The following PHRF1 variants were observed in gnomAD, a reference collection of about 807,000 sequenced individuals.
PHRF1 encodes PHD and ring finger domains 1, also known as PHD and RING finger domain-containing protein 1.
PHRF1 carries 53 observed loss-of-function variants against 128.9 expected under a neutral mutation model. The ratio of observed to expected loss-of-function variants is 0.41; its 90% confidence interval spans 0.33 to 0.52. The LOEUF is 0.52. Among genes scored for constraint, PHRF1 ranks in the 20% least tolerant of loss-of-function variants. The pLI is 0.21. For missense variants in PHRF1, 2,503 were observed against 2,284.5 expected, an observed-to-expected ratio of 1.10 and a Z score of -1.95; for synonymous variants, 1,178 against 980.6, an observed-to-expected ratio of 1.20 and a Z score of -3.76.
intron 4 of PHRF1, among the ~76,000 whole-genome samples, chr11:587,715 C>T (rs1484919158): frequency 6.6e-6 from 1 of 152,138 alleles, no homozygotes; most frequent in African/African-American, 2.4e-5. Flanking sequence ...GTGGGTCTCC[C>T]AGGACCAGCT....
chr11:579,736 A>C (rs118042921), intron 1 of PHRF1, among the ~76,000 whole-genome samples: 1 of 152,176 alleles, frequency 6.6e-6, no homozygotes. Context: ...GTTAATTACT[A>C]ATTTGGCAAA....
At chr11:606,849 T>C in intron 13 of PHRF1, 3 of 902,262 alleles carry the variant, frequency 3.3e-6, no homozygotes, top group South Asian at 1.8e-5. Flanking sequence ...CTGGTTAATA[T>C]CGTGTCCTGA....
intron 16 of PHRF1, 55 bp downstream of exon 16, chr11:610,816 AGTT>A (rs1230280686): frequency 1.3e-6 from 2 of 1,587,982 alleles, no homozygotes; most frequent in African/African-American, 2.7e-5. Context: ...TTGAAACTAA[AGTT>A]GTTGGGGCTG....
chr11:593,397 C>T (rs977974310), intron 6 of PHRF1, among the ~76,000 whole-genome samples: 3 of 152,252 alleles, frequency 2.0e-5, no homozygotes, highest in African/African-American at 4.8e-5. Context: ...GTTTGGACTA[C>T]GGAACAGCCG....
intron 1 of PHRF1, among the ~76,000 whole-genome samples, chr11:581,200 T>C (rs2134171996): frequency 6.6e-6 from 1 of 152,014 alleles, no homozygotes; most frequent in African/African-American, 2.4e-5. Context: ...GGTAGCTCTG[T>C]AAATGTGAAT....
At chr11:592,267 C>T (rs1311229109) in intron 5 of PHRF1, among the ~76,000 whole-genome samples, 1 of 151,580 alleles carries the variant, frequency 6.6e-6, no homozygotes, top group Non-Finnish European at 1.5e-5. Context: ...GGCAGTCCAG[C>T]ACCTGCTGCC....
chr11:586,110 C>G (rs182129445), intron 3 of PHRF1, among the ~76,000 whole-genome samples: 2 of 152,310 alleles, frequency 1.3e-5, no homozygotes, highest in East Asian at 3.9e-4. Context: ...ATCCACCTGC[C>G]TCAGCCTCCC....
At chr11:585,738 C>T (rs897566416) in intron 3 of PHRF1, among the ~76,000 whole-genome samples, 8 of 144,060 alleles carry the variant, frequency 5.6e-5, no homozygotes, top group Non-Finnish European at 1.2e-4. Context: ...TGGAGTGCAG[C>T]AGCACGATCT....
intron 9 of PHRF1, among the ~76,000 whole-genome samples, 189 bp from the exon 10 acceptor site, chr11:601,385 T>C (rs573317733): frequency 1.6e-4 from 24 of 149,522 alleles, no homozygotes; most frequent in Middle Eastern, 3.5e-3. Context: ...GCTGAGATTG[T>C]GCCACTGCAC....
At chr11:599,831 T>G (rs1243397501) in intron 9 of PHRF1, among the ~76,000 whole-genome samples, 2 of 152,088 alleles carry the variant, frequency 1.3e-5, no homozygotes, top group African/African-American at 4.8e-5. Flanking sequence ...TCCGGGGGTC[T>G]CGGCGTCTGT....
Position 587,271 on chromosome 11 carries a change from C to T in PHRF1, c.227C>T (p.Ser76Phe), listed in dbSNP as rs759332242. The T allele has an allele frequency of 5.0e-6, 8 of 1,613,294 alleles. No individual in the cohort carries two copies. The African/African-American group carries it at 9.3e-5, about 19-fold the overall frequency. Residue 76 changes from serine to phenylalanine, a missense_variant, in exon 4 of 18, where the codon TCT (serine) becomes TTT (phenylalanine). Coordinates refer to ENST00000264555, the MANE Select transcript of PHRF1 (RefSeq NM_001286581.2). Reference protein sequence around the residue: ...DLEDRSGSEDSEDDGETLLEV... With the variant: ...DLEDRSGSEDFEDDGETLLEV... ...GTTTCCTCTCCAGGTTCCGAGGATT[C>T]TGAAGACGACGGGGAGACATTGCTG... is the stretch of plus-strand genomic sequence containing the variant.
chr11:595,307 C>G (rs1245156472), intron 6 of PHRF1, among the ~76,000 whole-genome samples: 1 of 151,574 alleles, frequency 6.6e-6, no homozygotes. Flanking sequence ...AGACTAAAAA[C>G]AAAAAACAAA....
chr11:601,309 G>T (rs149830497), intron 9 of PHRF1, among the ~76,000 whole-genome samples: 1 of 149,254 alleles, frequency 6.7e-6, no homozygotes, highest in African/African-American at 2.5e-5. Context: ...CCTACCTGTA[G>T]TTCCAGCTGC....
intron 17 of PHRF1, 27 bp from the exon 18 acceptor site, chr11:611,607 A>G (rs923368830): frequency 6.2e-7 from 1 of 1,612,636 alleles, no homozygotes; most frequent in Non-Finnish European, 8.5e-7. Context: ...GTGAAAGGGC[A>G]TTTGGTGATT....
intron 10 of PHRF1, 64 bp from the exon 11 acceptor site, chr11:605,055 A>T: frequency 6.7e-7 from 1 of 1,492,626 alleles, no homozygotes; most frequent in Non-Finnish European, 9.1e-7. Flanking sequence ...CGTGGCATTT[A>T]CAGAGCCCTC....
chr11:607,967 C>T lies in PHRF1; in HGVS notation c.2511C>T (p.Gly837=). ...SEVYDPSDPT[G]SDSSAPGSSP... ...TCTACGACCCATCCGACCCCACCGG[C>T]TCCGACTCCAGCGCCCCTGGCAGCA... The change falls in exon 14 of 18, where the codon GGC becomes GGT. Residue 837 remains glycine, a synonymous_variant. Transcript: ENST00000264555. The T allele has an allele frequency of 1.2e-6, 2 of 1,611,834 alleles. No homozygotes were observed. The highest frequency in any genetic ancestry group is 8.5e-7 in the Non-Finnish European group (1 of 1,179,864).
intron 9 of PHRF1, among the ~76,000 whole-genome samples, chr11:600,389 C>T (rs1177212099): frequency 1.3e-5 from 2 of 151,350 alleles, no homozygotes; most frequent in Non-Finnish European, 2.9e-5. Flanking sequence ...CTTGTAATCC[C>T]AGCACTTTGG....
intron 4 of PHRF1, among the ~76,000 whole-genome samples, chr11:590,181 C>T (rs550182015): frequency 7.9e-5 from 12 of 152,332 alleles, no homozygotes; most frequent in Non-Finnish European, 1.2e-4. Context: ...GGGGTGCTGC[C>T]GCACACCCCT....
intron 17 of PHRF1, 83 bp from the exon 18 acceptor site, chr11:611,551 A>C (rs1856404494): frequency 1.3e-6 from 2 of 1,586,254 alleles, no homozygotes; most frequent in African/African-American, 2.7e-5. Context: ...AGGGCAGGCG[A>C]GGGAGCCCAG....
Sources: gnomAD v4.1 joint callset for allele counts (sites outside exome capture counted in the v4.1 genomes callset) on GRCh38, gnomAD v4.1.1 for gene constraint, MANE v1.5 for transcripts, NCBI Gene and HGNC (gene_info 2026-07-23, HGNC 2026-07-21) for gene names.